ERCC5: variants seen among roughly 807,000 people sequenced by gnomAD.
ERCC5 encodes the protein ERCC excision repair 5, endonuclease, also known as DNA excision repair protein ERCC-5.
Under a neutral mutation model 105.6 loss-of-function variants are expected in ERCC5, and 68 were observed. The observed-to-expected ratio is 0.64, with a 90% CI of 0.53 to 0.79. ERCC5 has a LOEUF of 0.79. Ranked by LOEUF, ERCC5 falls within the 30% of genes least tolerant of loss-of-function variation. ERCC5 has a pLI of 0.00. For synonymous variants in ERCC5, 546 were observed against 526.2 expected (o/e 1.04, Z -0.51); for missense variants, 1,373 against 1,426.7 (o/e 0.96, Z 0.61).
At chr13:102,848,207 A>T (rs1313953442) in intron 1 of ERCC5, among the ~76,000 whole-genome samples, 1 of 152,238 alleles carries the variant, frequency 6.6e-6, no homozygotes, top group African/African-American at 2.4e-5. Context: ...TTTATGTCAA[A>T]GGAGTATATC....
At chr13:102,855,040 C>G (rs1882359867) in intron 4 of ERCC5, among the ~76,000 whole-genome samples, 3 of 152,186 alleles carry the variant, frequency 2.0e-5, no homozygotes, top group African/African-American at 7.2e-5. Context: ...CAGCTCAGTT[C>G]TATTTGTCTC....
chr13:102,863,804 A>T, intron 8 of ERCC5, among the ~76,000 whole-genome samples: 1 of 152,094 alleles, frequency 6.6e-6, no homozygotes, highest in East Asian at 1.9e-4. Flanking sequence ...TATGCAATGG[A>T]GAGAGAGCAA....
At chr13:102,854,787 T>C (rs1474214638) in intron 4 of ERCC5, among the ~76,000 whole-genome samples, 3 of 152,218 alleles carry the variant, frequency 2.0e-5, no homozygotes, top group Non-Finnish European at 4.4e-5. Context: ...CGTCTTAGTG[T>C]GCTCGACTTC....
intron 6 of ERCC5, chr13:102,858,841 G>A (rs1882522102): frequency 2.2e-6 from 1 of 453,824 alleles, no homozygotes; most frequent in Non-Finnish European, 4.4e-6. Context: ...AATATACATT[G>A]TCTATAAAAA....
At position 102,875,816 on chromosome 13, in the gene ERCC5, G is replaced by A. The variant is rs1280392222; in HGVS notation, c.3474G>A (p.Glu1158=). 5 of 1,613,920 alleles carry A rather than the reference G, an allele frequency of 3.1e-6. No homozygotes were observed. The highest frequency in any genetic ancestry group is 3.3e-5 in the Admixed American group (2 of 60,030). Residue 1158 remains glutamate, a synonymous_variant, in exon 15 of 15, where the codon GAG becomes GAA. Transcript: ENST00000652225. ...ATAGTGATGACGATGGAGGGAAAGA[G>A]AAGATGGTCCTCGTGACCGCCAGAT... ...SSDSDDDGGK[E]KMVLVTARSV...
chr13:102,861,783 A>C, intron 7 of ERCC5, 69 bp downstream of exon 7: 1 of 1,562,374 alleles, frequency 6.4e-7, no homozygotes, highest in Non-Finnish European at 8.8e-7. Context: ...TGAATTCTAT[A>C]AACTAGCACC....
intron 4 of ERCC5, among the ~76,000 whole-genome samples, chr13:102,854,875 C>A (rs1882350889): frequency 6.6e-6 from 1 of 152,210 alleles, no homozygotes; most frequent in South Asian, 2.1e-4. Flanking sequence ...TCTCTGTGGA[C>A]TCCTCTTCCT....
chr13:102,849,799 G>A lies in ERCC5; in HGVS notation c.89-2319G>A, dbSNP rs982855240. 8.5e-5 allele frequency among the ~76,000 whole-genome samples: 13 copies of A among 152,252 alleles called. No homozygotes were observed. In the Middle Eastern group the frequency reaches 0.01, roughly 120 times the overall value. Reference sequence around the variant, plus strand: ...AATACTGTGTTTTGTTCAGTGCACTGGATATGCCAGTGCATAGAAAAAATG... The same window carrying A: ...AATACTGTGTTTTGTTCAGTGCACTAGATATGCCAGTGCATAGAAAAAATG... On this transcript the variant is annotated intron_variant, in intron 1 of 14. Coordinates refer to ENST00000652225, the MANE Select transcript of ERCC5 (RefSeq NM_000123.4).
chr13:102,866,253 A>C lies in ERCC5; in HGVS notation c.2200-9A>C. 1 of 1,613,958 alleles carries C rather than the reference A, an allele frequency of 6.2e-7. No individual in the cohort carries two copies. Among genetic ancestry groups the C allele is most frequent in the Non-Finnish European group, 8.5e-7 (1 of 1,179,950 alleles). On this transcript the variant is annotated splice_polypyrimidine_tract_variant and intron_variant, in intron 9 of 14. Transcript: ENST00000652225. ...AATATAAATCTATAAATGAAAAAACATTTTATAGGAGGAGTTGGAAACTCT... is the reference window on the plus strand; with the variant it reads ...AATATAAATCTATAAATGAAAAAACCTTTTATAGGAGGAGTTGGAAACTCT...
chr13:102,861,717 A>G lies in ERCC5; in HGVS notation c.880+3A>G. On this transcript the variant is annotated splice_donor_region_variant and intron_variant, in intron 7 of 14. Coordinates refer to ENST00000652225, the MANE Select transcript of ERCC5 (RefSeq NM_000123.4). Reference sequence around the variant, plus strand: ...TTCACATTACATCTTGATAAAAGGTATCAGGCACCATCATTTATATATTTA... The same window carrying G: ...TTCACATTACATCTTGATAAAAGGTGTCAGGCACCATCATTTATATATTTA... 1 of 1,614,092 alleles carries G rather than the reference A, an allele frequency of 6.2e-7. No individual in the cohort carries two copies. Among genetic ancestry groups the G allele is most frequent in the South Asian group, 1.1e-5 (1 of 91,070 alleles).
intron 12 of ERCC5, 129 bp from the exon 13 acceptor site, chr13:102,872,069 A>G: frequency 9.1e-7 from 1 of 1,100,178 alleles, no homozygotes; most frequent in Non-Finnish European, 1.3e-6. Context: ...AAATTAATAA[A>G]ATATTCTATA....
At chr13:102,872,702 A>G (rs1193867059) in intron 13 of ERCC5, among the ~76,000 whole-genome samples, 3 of 152,218 alleles carry the variant, frequency 2.0e-5, no homozygotes, top group Non-Finnish European at 4.4e-5. Flanking sequence ...CCTCCTAAGT[A>G]GCACAAGCCA....
chr13:102,847,297 AT>A (rs35223521), intron 1 of ERCC5, among the ~76,000 whole-genome samples: 42,649 of 139,224 alleles, frequency 0.31, 6,163 homozygotes, highest in Non-Finnish European at 0.36. Flanking sequence ...TTATGTAGTC[AT>A]TTTTTTTTTT....
At chr13:102,862,007 G>A (rs755582817) in intron 7 of ERCC5, 23 bp from the exon 8 acceptor site, 5 of 1,613,348 alleles carry the variant, frequency 3.1e-6, no homozygotes. Context: ...TGAATGGTGA[G>A]AAGTGTTTTA....
At chr13:102,859,563 G>A (rs999394633) in intron 6 of ERCC5, among the ~76,000 whole-genome samples, 1 of 152,198 alleles carries the variant, frequency 6.6e-6, no homozygotes, top group Non-Finnish European at 1.5e-5. Context: ...GTAGAATTTT[G>A]GTTGTGTAAA....
intron 14 of ERCC5, among the ~76,000 whole-genome samples, chr13:102,873,736 G>A (rs552392425): frequency 3.9e-5 from 6 of 152,176 alleles, no homozygotes; most frequent in African/African-American, 1.4e-4. Context: ...TTCTATAAAC[G>A]AATCTTGAAA....
At chr13:102,864,200 C>T (rs991753268) in intron 8 of ERCC5, among the ~76,000 whole-genome samples, 2 of 149,798 alleles carry the variant, frequency 1.3e-5, no homozygotes, top group Non-Finnish European at 3.0e-5. Flanking sequence ...TTTCTTCATT[C>T]AAATGTTACT....
intron 2 of ERCC5, among the ~76,000 whole-genome samples, chr13:102,853,288 C>T (rs986283286): frequency 1.3e-5 from 2 of 152,172 alleles, no homozygotes; most frequent in African/African-American, 4.8e-5. Context: ...ACTACTTGAA[C>T]ATTTCTTACA....
intron 9 of ERCC5, 103 bp downstream of exon 9, chr13:102,866,014 A>G: frequency 1.9e-6 from 3 of 1,602,986 alleles, no homozygotes; most frequent in South Asian, 1.1e-5. Context: ...AGCTATTTGC[A>G]GTACATCTTG....
Sources: allele counts gnomAD v4.1 joint callset (sites outside exome capture counted in the v4.1 genomes callset), GRCh38; gene constraint gnomAD v4.1.1; transcripts MANE v1.5; gene names NCBI Gene and HGNC (gene_info 2026-07-23, HGNC 2026-07-21).